NKAIN3: variants seen among roughly 807,000 people sequenced by gnomAD.
The protein encoded by NKAIN3 is sodium/potassium-transporting ATPase subunit beta-1-interacting protein 3.
Under a neutral mutation model 30.2 loss-of-function variants are expected in NKAIN3, and 25 were observed. The observed-to-expected ratio is 0.83, with a 90% CI of 0.60 to 1.16. The LOEUF (loss-of-function observed/expected upper bound fraction) is 1.16. NKAIN3 is among the 50% of genes most tolerant of loss of function. The pLI is 0.00. For missense variants in NKAIN3, 225 were observed against 254.1 expected (o/e 0.89, Z 0.78); for synonymous variants, 91 against 89.6 (o/e 1.02, Z -0.09).
At chr8:62,662,536 C>G (rs1320948479) in intron 3 of NKAIN3, among the ~76,000 whole-genome samples, 1 of 152,194 alleles carries the variant, frequency 6.6e-6, no homozygotes, top group Non-Finnish European at 1.5e-5. Context: ...TCCCCCTAAC[C>G]TTCAGATATA....
chr8:62,574,766 G>A (rs1287110007), intron 1 of NKAIN3, among the ~76,000 whole-genome samples: 4 of 152,096 alleles, frequency 2.6e-5, no homozygotes, highest in Middle Eastern at 3.4e-3. Context: ...ATATCTTATT[G>A]TAGTTTTGGT....
At position 62,572,476 on chromosome 8, in the gene NKAIN3, G is replaced by T. The variant is rs111285786; in HGVS notation, c.55-7063G>T. ...CTGCCTGTTACCTAGTTTCAAAGTC[G>T]CTTCCACATGTTCGGGTATATTTTC... On this transcript the variant is annotated intron_variant, in intron 1 of 6. Transcript: ENST00000623646. 2.6e-3 allele frequency among the ~76,000 whole-genome samples: 397 copies of T among 152,202 alleles called. 3 individuals are homozygous for T. Among genetic ancestry groups the T allele is most frequent in the African/African-American group, 8.6e-3 (357 of 41,538 alleles).
At chr8:62,684,338 A>G (rs1813732787) in intron 3 of NKAIN3, among the ~76,000 whole-genome samples, 1 of 152,204 alleles carries the variant, frequency 6.6e-6, no homozygotes, top group Non-Finnish European at 1.5e-5. Context: ...CTAATGAGTT[A>G]TTCTTTTCAG....
chr8:62,251,589 T>G (rs1440484758), intron 1 of NKAIN3, among the ~76,000 whole-genome samples: 1 of 152,228 alleles, frequency 6.6e-6, no homozygotes, highest in Non-Finnish European at 1.5e-5. Flanking sequence ...TTGGCTGAAT[T>G]GGATAATAGT....
At chr8:62,863,649 A>G in intron 4 of NKAIN3, 1 of 1,294,596 alleles carries the variant, frequency 7.7e-7, no homozygotes, top group Non-Finnish European at 1.1e-6. Flanking sequence ...TCACTGGGAT[A>G]ACTTTCTCGA....
intron 4 of NKAIN3, among the ~76,000 whole-genome samples, chr8:62,833,255 A>G (rs1409962448): frequency 6.6e-6 from 1 of 151,976 alleles, no homozygotes; most frequent in African/African-American, 2.4e-5. Flanking sequence ...ATCTCAAATT[A>G]ATGATCTAAC....
chr8:62,557,475 A>G (rs1457876676), intron 1 of NKAIN3, among the ~76,000 whole-genome samples: 2 of 152,104 alleles, frequency 1.3e-5, no homozygotes, highest in Non-Finnish European at 2.9e-5. Context: ...TTAAAAAAAA[A>G]TGTTCACACT....
intron 1 of NKAIN3, among the ~76,000 whole-genome samples, chr8:62,275,386 T>C (rs1486961782): frequency 6.6e-6 from 1 of 152,216 alleles, no homozygotes; most frequent in East Asian, 1.9e-4. Context: ...TAAATTTCCT[T>C]TTAAGGTATT....
chr8:62,332,546 GTGA>G (rs1815390570), intron 1 of NKAIN3, among the ~76,000 whole-genome samples: 1 of 152,014 alleles, frequency 6.6e-6, no homozygotes, highest in Non-Finnish European at 1.5e-5. Flanking sequence ...TAGTGGTTGA[GTGA>G]CATGGATAAT....
intron 1 of NKAIN3, among the ~76,000 whole-genome samples, chr8:62,514,829 C>T (rs1005134411): frequency 2.0e-5 from 3 of 152,126 alleles, no homozygotes; most frequent in South Asian, 2.1e-4. Context: ...TCTCCTGAAT[C>T]GTCAACATTC....
At chr8:62,349,549 G>A (rs1482701022) in intron 1 of NKAIN3, among the ~76,000 whole-genome samples, 5 of 152,190 alleles carry the variant, frequency 3.3e-5, no homozygotes, top group Non-Finnish European at 7.3e-5. Flanking sequence ...TAGGAAAAGT[G>A]TAATTGGAGA....
chr8:62,374,113 C>CAAAAAAAA (rs66521184), intron 1 of NKAIN3, among the ~76,000 whole-genome samples: 9 of 64,338 alleles, frequency 1.4e-4, no homozygotes, highest in African/African-American at 4.2e-4. Flanking sequence ...ACTCCATCTC[C>CAAAAAAAA]AAAAAAAAAA....
At chr8:62,435,641 C>T (rs1179272676) in intron 1 of NKAIN3, among the ~76,000 whole-genome samples, 1 of 152,036 alleles carries the variant, frequency 6.6e-6, no homozygotes, top group Non-Finnish European at 1.5e-5. Context: ...TAAATTTTAC[C>T]TTCTTTAGCC....
At chr8:62,698,401 T>A (rs1224022341) in intron 3 of NKAIN3, among the ~76,000 whole-genome samples, 1 of 152,210 alleles carries the variant, frequency 6.6e-6, no homozygotes, top group Non-Finnish European at 1.5e-5. Flanking sequence ...CTGAGTCCCC[T>A]ACTCAAGCTC....
intron 3 of NKAIN3, among the ~76,000 whole-genome samples, chr8:62,716,682 T>G (rs1273981370): frequency 6.6e-6 from 1 of 151,750 alleles, no homozygotes; most frequent in African/African-American, 2.4e-5. Flanking sequence ...AGAGCTGGCA[T>G]CAGAACATTA....
rs1318061582 is a variant in NKAIN3, at chr8:62,415,269, A to G, written c.55-164270A>G. ...ATATATAATAAATATAATATACACT[A>G]TAGTATATATTATATACTATATATA... On this transcript the variant is annotated intron_variant, in intron 1 of 6. Coordinates refer to ENST00000623646, the MANE Select transcript of NKAIN3 (RefSeq NM_001304533.3). Among the ~76,000 whole-genome samples, 5 of 144,324 alleles carry G rather than the reference A, an allele frequency of 3.5e-5. No individual in the cohort carries two copies. The East Asian group carries it at 9.8e-4, about 28-fold the overall frequency. 94.7% of individuals were successfully genotyped at this position (144,324 alleles called of 152,430 possible).
rs533009297 is a variant in NKAIN3, at chr8:62,736,835, T to TC, written c.274-10096dup. Among the ~76,000 whole-genome samples, 8 of 152,308 alleles carry TC rather than the reference T, an allele frequency of 5.3e-5. No individual in the cohort carries two copies. The East Asian group carries it at 1.4e-3, about 26-fold the overall frequency. ...GACACAGGACCCCAGTGAGACAAAGTCTTAAGTGGCTTCCCTGGGGACTGA... is the reference window on the plus strand; with the variant it reads ...GACACAGGACCCCAGTGAGACAAAGTCCTTAAGTGGCTTCCCTGGGGACTGA... On this transcript the variant is annotated intron_variant, in intron 3 of 6. Transcript: ENST00000623646.
intron 3 of NKAIN3, among the ~76,000 whole-genome samples, chr8:62,694,109 T>G (rs1181573450): frequency 2.6e-5 from 4 of 152,204 alleles, no homozygotes; most frequent in Non-Finnish European, 5.9e-5. Flanking sequence ...CTTCTAGCTA[T>G]TTTGAGATAC....
intron 1 of NKAIN3, among the ~76,000 whole-genome samples, chr8:62,343,099 T>G (rs562405060): frequency 6.6e-6 from 1 of 152,210 alleles, no homozygotes; most frequent in African/African-American, 2.4e-5. Context: ...TATTATTTAT[T>G]AATCCTTCAG....
Sources: allele counts gnomAD v4.1 joint callset (sites outside exome capture counted in the v4.1 genomes callset), GRCh38; gene constraint gnomAD v4.1.1; transcripts MANE v1.5; gene names NCBI Gene and HGNC (gene_info 2026-07-23, HGNC 2026-07-21).